NMT2: variants seen among roughly 807,000 people sequenced by gnomAD.
NMT2 encodes N-myristoyltransferase 2.
NMT2 carries 35 observed loss-of-function variants against 65.4 expected under a neutral mutation model. The ratio of observed to expected loss-of-function variants is 0.54; its 90% CI spans 0.41 to 0.71. The LOEUF is 0.71. Among genes scored for constraint, NMT2 ranks in the 30% least tolerant of loss-of-function variants. NMT2 has a pLI of 0.00. For missense variants in NMT2, 489 were observed against 611.3 expected (o/e 0.80, Z 2.11); for synonymous variants, 226 against 231.8 (o/e 0.98, Z 0.23).
chr10:15,135,345 G>C lies in NMT2; in HGVS notation c.320C>G (p.Pro107Arg). The C allele has an allele frequency of 3.1e-6, 5 of 1,614,068 alleles. No homozygotes were observed. The highest frequency in any genetic ancestry group is 4.2e-6 in the Non-Finnish European group (5 of 1,179,972). ...AMELLSACQG[P>R]ARNIDEAAKH... ...TGCAGCCTCATCAATGTTCCTGGCT[G>C]GGCCCTGGCATGCGGATAGCAGCTC... The change falls in exon 3 of 12, where the codon CCA becomes CGA. Residue 107 changes from proline to arginine, a missense_variant. Physicochemically the swap from Pro to Arg is moderately radical, Grantham distance 103 (BLOSUM62 -2). Transcript: ENST00000378165.
chr10:15,113,466 A>C (rs1845639511), intron 9 of NMT2, among the ~76,000 whole-genome samples: 1 of 126,924 alleles, frequency 7.9e-6, no homozygotes, highest in Non-Finnish European at 1.7e-5. Context: ...TGAGACTCAA[A>C]AAAAAAAAAA....
intron 8 of NMT2, among the ~76,000 whole-genome samples, chr10:15,125,463 G>A (rs1254155146): frequency 6.6e-6 from 1 of 152,196 alleles, no homozygotes; most frequent in Admixed American, 6.5e-5. Flanking sequence ...CCAATGGTAT[G>A]TGCTAAAACT....
rs1176607653 is a variant in NMT2, at chr10:15,109,038, A to T, written c.*157T>A. On this transcript the variant is annotated 3_prime_UTR_variant, in exon 12 of 12. Transcript: ENST00000378165. ...AGTTTAACATTCTAGCTAGAAACGT[A>T]CAAATGTCACATGTGGACTTTTGTC... The T allele has an allele frequency of 6.1e-6, 9 of 1,477,510 alleles. No individual in the cohort carries two copies. Among genetic ancestry groups the T allele is most frequent in the Non-Finnish European group, 6.2e-6 (7 of 1,123,558 alleles). 91.5% of individuals were successfully genotyped at this position (1,477,510 alleles called of 1,614,324 possible). A position where few individuals can be genotyped will look rare whatever the true frequency, so the allele number is the denominator to read the frequency against.
chr10:15,132,417 CATTTTT>C (rs1292440847), intron 6 of NMT2, among the ~76,000 whole-genome samples: 4 of 152,012 alleles, frequency 2.6e-5, no homozygotes, highest in African/African-American at 9.7e-5. Context: ...TGCATTCAGT[CATTTTT>C]ATTTTTATTT....
intron 8 of NMT2, among the ~76,000 whole-genome samples, chr10:15,120,938 T>A (rs540644721): frequency 3.3e-5 from 5 of 152,248 alleles, no homozygotes; most frequent in African/African-American, 1.2e-4. Context: ...CTTTAGAATT[T>A]AAAAAATTAA....
intron 2 of NMT2, among the ~76,000 whole-genome samples, chr10:15,137,293 C>G (rs2131562238): frequency 6.6e-6 from 1 of 152,152 alleles, no homozygotes; most frequent in South Asian, 2.1e-4. Context: ...GTCTTTTTGT[C>G]TCTGCTTGGA....
Position 15,108,653 on chromosome 10 carries a change from C to A in NMT2, c.*542G>T. 1 of 989,654 alleles carries A rather than the reference C, an allele frequency of 1.0e-6. No individual in the cohort carries two copies. The highest frequency in any genetic ancestry group is 4.6e-5 in the South Asian group (1 of 21,614). The allele number at this position is 989,654 out of a possible 1,614,324, so 61.3% of individuals were successfully genotyped here. A position where few individuals can be genotyped will look rare whatever the true frequency, so the allele number is the denominator to read the frequency against. ...ACCAGTACATTTTAATATTGCTCTG[C>A]ACTTAAACAACCACCACCTGTCACT... On this transcript the variant is annotated 3_prime_UTR_variant, in exon 12 of 12. Coordinates refer to ENST00000378165, the MANE Select transcript of NMT2 (RefSeq NM_004808.3).
chr10:15,123,531 G>GAAAA (rs775699014), intron 8 of NMT2, among the ~76,000 whole-genome samples: 6 of 52,530 alleles, frequency 1.1e-4, no homozygotes, highest in African/African-American at 3.0e-4. Flanking sequence ...TCGTCTCACA[G>GAAAA]AAAAAAAAAA....
intron 1 of NMT2, 45 bp downstream of exon 1, chr10:15,168,458 G>C (rs1346814530): frequency 1.4e-6 from 2 of 1,435,722 alleles, no homozygotes; most frequent in African/African-American, 2.9e-5. Flanking sequence ...TGGCGCGCGC[G>C]GTCCCCGCCC....
At chr10:15,137,905 C>G (rs1404403734) in intron 2 of NMT2, among the ~76,000 whole-genome samples, 1 of 152,054 alleles carries the variant, frequency 6.6e-6, no homozygotes, top group Non-Finnish European at 1.5e-5. Flanking sequence ...ACCTAATTAG[C>G]TCATGGGTTG....
chr10:15,168,090 G>A (rs1255879503), intron 1 of NMT2, among the ~76,000 whole-genome samples: 1 of 152,194 alleles, frequency 6.6e-6, no homozygotes, highest in Non-Finnish European at 1.5e-5. Context: ...ATGGCAGGGA[G>A]CAGAGGAGGG....
At chr10:15,135,455 C>A (rs778247545) in intron 2 of NMT2, 37 bp from the exon 3 acceptor site, 2 of 1,602,764 alleles carry the variant, frequency 1.2e-6, no homozygotes, top group Non-Finnish European at 1.7e-6. Context: ...TATGAGAGAG[C>A]GGCTGCTGAT....
intron 1 of NMT2, among the ~76,000 whole-genome samples, chr10:15,157,590 G>C (rs993792052): frequency 2.6e-5 from 4 of 152,100 alleles, no homozygotes; most frequent in Non-Finnish European, 5.9e-5. Context: ...AGTCAGAAAA[G>C]AGATGATTAA....
intron 8 of NMT2, among the ~76,000 whole-genome samples, chr10:15,122,071 A>G (rs1845946820): frequency 1.3e-5 from 2 of 152,180 alleles, no homozygotes. Context: ...AATATATATC[A>G]TAGTCATTTA....
At chr10:15,131,913 T>C (rs1159330483) in intron 6 of NMT2, among the ~76,000 whole-genome samples, 2 of 152,180 alleles carry the variant, frequency 1.3e-5, no homozygotes, top group African/African-American at 4.8e-5. Flanking sequence ...TCACCCATGC[T>C]GGAGTGCAGT....
chr10:15,149,955 A>G (rs940647301), intron 1 of NMT2, among the ~76,000 whole-genome samples: 16 of 152,166 alleles, frequency 1.1e-4, no homozygotes, highest in African/African-American at 3.4e-4. Flanking sequence ...TAAACTGCCT[A>G]ATTGCGATCT....
At chr10:15,135,132 A>G in intron 3 of NMT2, 142 bp downstream of exon 3, 1 of 880,710 alleles carries the variant, frequency 1.1e-6, no homozygotes, top group Non-Finnish European at 1.8e-6. Flanking sequence ...TTAGTCTTGC[A>G]TAGATTTCCA....
intron 1 of NMT2, among the ~76,000 whole-genome samples, chr10:15,143,219 T>G (rs1042708678): frequency 6.6e-6 from 1 of 152,194 alleles, no homozygotes; most frequent in African/African-American, 2.4e-5. Context: ...TATCAAGTAA[T>G]TATTGAACAT....
chr10:15,161,093 A>C (rs1427620448), intron 1 of NMT2, among the ~76,000 whole-genome samples: 2 of 147,176 alleles, frequency 1.4e-5, no homozygotes, highest in African/African-American at 5.1e-5. Context: ...AAAAAAAAAA[A>C]AAAAAAAAAA....
Sources: gnomAD v4.1 joint callset for allele counts (sites outside exome capture counted in the v4.1 genomes callset) on GRCh38, gnomAD v4.1.1 for gene constraint, MANE v1.5 for transcripts, NCBI Gene and HGNC (gene_info 2026-07-23, HGNC 2026-07-21) for gene names.